The following PREX2 variants were observed in gnomAD, a reference collection of about 807,000 sequenced individuals.
PREX2 encodes the protein phosphatidylinositol-3,4,5-trisphosphate dependent Rac exchange factor 2.
PREX2 carries 107 observed loss-of-function variants against 203.2 expected under a neutral mutation model. The ratio of observed to expected loss-of-function variants is 0.53; its 90% CI spans 0.45 to 0.62. The LOEUF (loss-of-function observed/expected upper bound fraction) is 0.62. Among genes scored for constraint, PREX2 ranks in the 20% least tolerant of loss-of-function variants. PREX2 has a pLI of 0.00. For missense variants in PREX2, 1,777 were observed against 1,955.9 expected, an observed-to-expected ratio of 0.91 and a Z score of 1.72; for synonymous variants, 672 against 663.6, an observed-to-expected ratio of 1.01 and a Z score of -0.19.
Position 68,224,612 on chromosome 8 carries a change from A to G in PREX2, c.4761A>G (p.Pro1587=), listed in dbSNP as rs1200560006. The part of the protein sequence containing the change: ...AKNLGVRDRT[P]QSAPRLYKLC... ...ATTTGGGAGTCAGAGACCGGACTCC[A>G]CAGTCTGCACCAAGGTAAGTGCATC... is the stretch of plus-strand genomic sequence containing the variant. Residue 1587 remains proline, a synonymous_variant, in exon 39 of 40, where the codon CCA becomes CCG. Coordinates refer to ENST00000288368, the MANE Select transcript of PREX2 (RefSeq NM_024870.4). 1.9e-6 allele frequency: 3 copies of G among 1,613,174 alleles called. No homozygotes were observed. The highest frequency in any genetic ancestry group is 2.5e-6 in the Non-Finnish European group (3 of 1,179,410).
intron 23 of PREX2, 91 bp downstream of exon 23, chr8:68,099,934 ATTTG>A (rs752906465): frequency 8.6e-7 from 1 of 1,160,118 alleles, no homozygotes; most frequent in South Asian, 1.2e-5. Context: ...TTCTTTACAT[ATTTG>A]TTAGGTACCA....
chr8:67,984,419 AG>A (rs1585677552), intron 1 of PREX2, among the ~76,000 whole-genome samples: 1 of 152,214 alleles, frequency 6.6e-6, no homozygotes, highest in Non-Finnish European at 1.5e-5. Flanking sequence ...TTAATGTTTT[AG>A]GCATGAAATC....
chr8:68,165,912 G>T (rs912763743), intron 35 of PREX2, among the ~76,000 whole-genome samples: 3 of 152,158 alleles, frequency 2.0e-5, no homozygotes, highest in African/African-American at 7.2e-5. Context: ...GTTGGTCACA[G>T]ATGAAAAATG....
chr8:68,147,443 A>G (rs1366856837), intron 34 of PREX2, among the ~76,000 whole-genome samples: 1 of 152,154 alleles, frequency 6.6e-6, no homozygotes, highest in Non-Finnish European at 1.5e-5. Context: ...TTCTTGTGAT[A>G]GTGAATAAGT....
chr8:67,999,806 C>T (rs1448791558), intron 1 of PREX2, among the ~76,000 whole-genome samples: 1 of 152,154 alleles, frequency 6.6e-6, no homozygotes, highest in Non-Finnish European at 1.5e-5. Flanking sequence ...AAGGTTGGTT[C>T]AACATATGCA....
At chr8:68,188,969 A>T (rs1257829116) in intron 35 of PREX2, among the ~76,000 whole-genome samples, 1 of 152,240 alleles carries the variant, frequency 6.6e-6, no homozygotes, top group East Asian at 1.9e-4. Context: ...GAAATGAATA[A>T]AAATAAATAA....
intron 37 of PREX2, among the ~76,000 whole-genome samples, chr8:68,208,519 C>G (rs1812683804): frequency 6.6e-6 from 1 of 152,076 alleles, no homozygotes; most frequent in Admixed American, 6.6e-5. Flanking sequence ...TTTAACTTCT[C>G]TCTTATCAGG....
intron 11 of PREX2, among the ~76,000 whole-genome samples, chr8:68,065,170 G>C (rs1216248402): frequency 1.3e-5 from 2 of 152,186 alleles, no homozygotes; most frequent in Admixed American, 1.3e-4. Flanking sequence ...AAAGGCAGAA[G>C]CATTTGCCTT....
intron 37 of PREX2, among the ~76,000 whole-genome samples, chr8:68,204,678 CTTT>C (rs1192583427): frequency 7.2e-4 from 60 of 83,394 alleles, no homozygotes; most frequent in East Asian, 5.6e-3. Context: ...TTTCTTCTTT[CTTT>C]TTTTTTTTTT....
chr8:68,150,202 G>T (rs1171719038), intron 34 of PREX2, among the ~76,000 whole-genome samples: 1 of 152,234 alleles, frequency 6.6e-6, no homozygotes, highest in African/African-American at 2.4e-5. Flanking sequence ...TCAGACCCAT[G>T]TCTTTGTGTA....
chr8:68,113,608 A>G (rs1305821233), intron 25 of PREX2, among the ~76,000 whole-genome samples: 1 of 152,144 alleles, frequency 6.6e-6, no homozygotes, highest in Non-Finnish European at 1.5e-5. Flanking sequence ...TAGCTCCTTC[A>G]ATTTTTCACT....
chr8:68,070,617 T>G (rs1809167242), intron 13 of PREX2, among the ~76,000 whole-genome samples: 1 of 152,130 alleles, frequency 6.6e-6, no homozygotes, highest in Non-Finnish European at 1.5e-5. Context: ...TATTTGGAAT[T>G]TACTGACTAA....
intron 1 of PREX2, among the ~76,000 whole-genome samples, chr8:67,983,714 C>G (rs1168489692): frequency 6.6e-6 from 1 of 152,188 alleles, no homozygotes; most frequent in Admixed American, 6.5e-5. Flanking sequence ...ATTGACCACT[C>G]TTTGATTCTC....
chr8:67,992,152 G>A (rs6996233), intron 1 of PREX2, among the ~76,000 whole-genome samples: 73,204 of 151,726 alleles, frequency 0.48, 18,030 homozygotes, highest in South Asian at 0.61. Context: ...AGTATATACC[G>A]CTCTTCTGTG....
At chr8:68,178,057 G>T (rs1812016333) in intron 35 of PREX2, among the ~76,000 whole-genome samples, 1 of 152,126 alleles carries the variant, frequency 6.6e-6, no homozygotes, top group Non-Finnish European at 1.5e-5. Context: ...CATTTGAGTT[G>T]ATTCCATGTC....
intron 33 of PREX2, among the ~76,000 whole-genome samples, chr8:68,139,701 G>T (rs181983886): frequency 3.2e-4 from 49 of 152,244 alleles, no homozygotes; most frequent in African/African-American, 1.2e-3. Flanking sequence ...TAAAAATAAA[G>T]CAATGTCAAT....
At chr8:67,959,032 A>T (rs1007065309) in intron 1 of PREX2, among the ~76,000 whole-genome samples, 1 of 152,222 alleles carries the variant, frequency 6.6e-6, no homozygotes, top group Admixed American at 6.5e-5. Context: ...CAATTGAGTG[A>T]GATGGCATAA....
intron 1 of PREX2, among the ~76,000 whole-genome samples, chr8:67,955,724 A>G (rs141613243): frequency 2.0e-5 from 3 of 152,356 alleles, no homozygotes; most frequent in African/African-American, 7.2e-5. Flanking sequence ...TAGGTCCTCA[A>G]TAAATGCTTG....
chr8:68,121,682 A>G (rs1810777541), intron 30 of PREX2, among the ~76,000 whole-genome samples: 1 of 152,122 alleles, frequency 6.6e-6, no homozygotes, highest in Admixed American at 6.6e-5. Context: ...AAAAGATAAA[A>G]TGAGAATTCA....
Sources: allele counts gnomAD v4.1 joint callset (sites outside exome capture counted in the v4.1 genomes callset), GRCh38; gene constraint gnomAD v4.1.1; transcripts MANE v1.5; gene names NCBI Gene and HGNC (gene_info 2026-07-23, HGNC 2026-07-21).